Variants in UBP1 observed in about 807,000 individuals in gnomAD.
The protein encoded by UBP1 is upstream binding protein 1, also known as upstream-binding protein 1.
In UBP1, 22 loss-of-function variants were observed where a neutral mutation model predicts 76.1. That is an observed-to-expected ratio of 0.29 (90% CI 0.21 to 0.41). The LOEUF (loss-of-function observed/expected upper bound fraction) is 0.41, where lower values mean the gene tolerates loss of function less well. Among genes scored for constraint, UBP1 ranks in the 10% least tolerant of loss-of-function variants. The probability of loss-of-function intolerance (pLI) is 1.00; values close to 1 mark genes in which losing one functional copy is unlikely to be tolerated. For missense variants in UBP1, 436 were observed against 668.1 expected (o/e 0.65, Z 3.83); for synonymous variants, 224 against 237.1 (o/e 0.94, Z 0.51).
chr3:33,409,326 T>C lies in UBP1; in HGVS notation c.729A>G (p.Lys243=). The stretch of plus-strand genomic sequence containing the variant: ...CCATCTTCTCTCGGTCAGTTTTTTG[T>C]TTCCTGTCTGCACCTTTAGGCTTAA... The part of the protein sequence containing the change: ...KVFKPKGADR[K]QKTDREKMEK... Residue 243 remains lysine (K), a synonymous_variant, in exon 7 of 16, where the codon AAA becomes AAG. Transcript: ENST00000283629. 6.2e-7 allele frequency: 1 copy of C among 1,614,218 alleles called. No individual in the cohort carries two copies. The highest frequency in any genetic ancestry group is 8.5e-7 in the Non-Finnish European group (1 of 1,180,036).
At chr3:33,414,874 A>G (rs1431083857) in intron 3 of UBP1, among the ~76,000 whole-genome samples, 1 of 152,222 alleles carries the variant, frequency 6.6e-6, no homozygotes, top group Non-Finnish European at 1.5e-5. Context: ...CAGAATAAGT[A>G]ACCTTGTCTA....
chr3:33,392,361 T>C (rs905801921), intron 15 of UBP1: 2 of 479,124 alleles, frequency 4.2e-6, no homozygotes, highest in Non-Finnish European at 7.2e-6. Context: ...GATTTTTTTT[T>C]CCAGTCATCT....
intron 1 of UBP1, among the ~76,000 whole-genome samples, chr3:33,437,610 T>A (rs1236849108): frequency 6.6e-6 from 1 of 152,366 alleles, no homozygotes; most frequent in East Asian, 1.9e-4. Context: ...TCAATTTGTA[T>A]CAAGAAGTCA....
Position 33,416,810 on chromosome 3 carries a change from A to G in UBP1, c.290T>C (p.Leu97Pro). The change falls in exon 3 of 16, where the codon CTG (leucine) becomes CCG (proline). Residue 97 changes from leucine (L) to proline (P), a missense_variant. By Grantham distance (98) the Leu-to-Pro change is moderately conservative. Transcript: ENST00000283629. ...CATATCACCCATTTTCCGATTATCC[A>G]GCATCCGAATTTCATATGACTGACC... ...NQGQSYEIRM[L>P]DNRKMGDMPE... 1 of 1,613,700 alleles carries G rather than the reference A, an allele frequency of 6.2e-7. No individual in the cohort carries two copies. The highest frequency in any genetic ancestry group is 8.5e-7 in the Non-Finnish European group (1 of 1,179,726).
chr3:33,437,842 T>C (rs1251301138), intron 1 of UBP1, among the ~76,000 whole-genome samples: 1 of 152,208 alleles, frequency 6.6e-6, no homozygotes, highest in East Asian at 1.9e-4. Context: ...GAGTCAATTT[T>C]GGAATTTCCT....
intron 1 of UBP1, among the ~76,000 whole-genome samples, chr3:33,433,560 G>A (rs2045150901): frequency 6.6e-6 from 1 of 151,596 alleles, no homozygotes; most frequent in East Asian, 2.0e-4. Context: ...GGCTGAGGCA[G>A]GAGAATCACT....
chr3:33,416,458 T>A (rs2044731873), intron 3 of UBP1, among the ~76,000 whole-genome samples: 1 of 152,204 alleles, frequency 6.6e-6, no homozygotes, highest in Admixed American at 6.5e-5. Context: ...ACATTGACAT[T>A]CTTCCCCATA....
chr3:33,438,280 C>G (rs1296033358), intron 1 of UBP1, among the ~76,000 whole-genome samples: 2 of 152,204 alleles, frequency 1.3e-5, no homozygotes, highest in Non-Finnish European at 2.9e-5. Context: ...TTTTCAGCAG[C>G]AAACTTTCAT....
chr3:33,416,801 CG>C lies in UBP1; in HGVS notation c.298del (p.Arg100GlyfsTer13). The C allele has an allele frequency of 1.2e-6, 2 of 1,613,484 alleles. No individual in the cohort carries two copies. Among genetic ancestry groups the C allele is most frequent in the Non-Finnish European group, 1.7e-6 (2 of 1,179,678 alleles). ...QSYEIRMLDNRKMGDMPEING... is the reference protein window; with the variant it reads ...QSYEIRMLDNXKMGDMPEING... ...GATCTCAGGCATATCACCCATTTTC[CG>C]ATTATCCAGCATCCGAATTTCATAT... On this transcript the variant is annotated frameshift_variant, in exon 3 of 16. Transcript: ENST00000283629. LOFTEE classifies it high-confidence loss of function.
In UBP1 at chr3:33,392,633, T is replaced by C. The variant is rs767603791; in HGVS notation, c.1534-19A>G. 4 of 1,600,090 alleles carry C rather than the reference T, an allele frequency of 2.5e-6. No homozygotes were observed. Among genetic ancestry groups the C allele is most frequent in the South Asian group, 1.1e-5 (1 of 88,832 alleles). On this transcript the variant is annotated intron_variant, in intron 14 of 15. Transcript: ENST00000283629. Reference sequence around the variant, plus strand: ...GAACCATCTGGAAGGATAAAGTAAATGCGTAAGTACAATTAAGATCCAACT... The same window carrying C: ...GAACCATCTGGAAGGATAAAGTAAACGCGTAAGTACAATTAAGATCCAACT...
At chr3:33,405,118 T>A (rs1049321418) in intron 8 of UBP1, among the ~76,000 whole-genome samples, 2 of 152,150 alleles carry the variant, frequency 1.3e-5, no homozygotes, top group Non-Finnish European at 2.9e-5. Flanking sequence ...GCAATTTTTT[T>A]AGGGTGATCA....
At chr3:33,429,560 C>T (rs2045079306) in intron 1 of UBP1, among the ~76,000 whole-genome samples, 2 of 152,120 alleles carry the variant, frequency 1.3e-5, no homozygotes, top group African/African-American at 4.8e-5. Flanking sequence ...AACTCCTGGC[C>T]TCAAGTGATC....
At chr3:33,419,746 A>G (rs2044838300) in intron 2 of UBP1, among the ~76,000 whole-genome samples, 2 of 152,182 alleles carry the variant, frequency 1.3e-5, no homozygotes, top group Non-Finnish European at 2.9e-5. Context: ...TGAGAGAACA[A>G]CCAGACTTTT....
chr3:33,417,701 ATC>A (rs1490328839), intron 2 of UBP1, among the ~76,000 whole-genome samples: 1 of 152,240 alleles, frequency 6.6e-6, no homozygotes, highest in Non-Finnish European at 1.5e-5. Flanking sequence ...TTTCTGGATT[ATC>A]TGTTATTAAA....
In UBP1 at chr3:33,394,305, CA is replaced by C. The variant is rs1325419644; in HGVS notation, c.1391-852del. Among the ~76,000 whole-genome samples, 10 of 151,912 alleles carry C rather than the reference CA, an allele frequency of 6.6e-5. No individual in the cohort carries two copies. In the East Asian group the frequency reaches 1.7e-3, roughly 26 times the overall value. On this transcript the variant is annotated intron_variant, in intron 13 of 15. Coordinates refer to ENST00000283629, the MANE Select transcript of UBP1 (RefSeq NM_014517.5). The stretch of plus-strand genomic sequence containing the variant: ...ACGCAGTCTGCCCAGTTAGGCCTCC[CA>C]AAGTGCTGGGATTACAGGCGTGAGC...
At chr3:33,398,442 G>C (rs2044092605) in intron 11 of UBP1, 1 of 152,226 alleles carries the variant, frequency 6.6e-6, no homozygotes, top group Admixed American at 6.5e-5. Flanking sequence ...GTTGTGACCA[G>C]AGAGTACTGT....
rs181958563 is a variant in UBP1, at chr3:33,434,093, C to T, written c.113+5643G>A. Among the ~76,000 whole-genome samples the T allele has an allele frequency of 6.5e-4, 99 of 152,142 alleles. 1 individual carries two copies. The highest frequency in any genetic ancestry group is 2.3e-3 in the African/African-American group (95 of 41,500). ...AGTTTAGGAGACCATATCAATAAAC[C>T]ACCAAGTTTCAAACAGTCCTAATTG... On this transcript the variant is annotated intron_variant, in intron 1 of 15. Transcript: ENST00000283629.
intron 2 of UBP1, among the ~76,000 whole-genome samples, chr3:33,420,488 CTTTTT>C (rs749437546): frequency 8.3e-6 from 1 of 120,632 alleles, no homozygotes; most frequent in Non-Finnish European, 1.7e-5. Context: ...ACCATACTGG[CTTTTT>C]TTTTTTTTTT....
At chr3:33,409,769 T>C (rs561182726) in intron 5 of UBP1, among the ~76,000 whole-genome samples, 168 bp from the exon 6 acceptor site, 109 of 152,372 alleles carry the variant, frequency 7.2e-4, no homozygotes, top group South Asian at 1.4e-3. Context: ...TTTTAAGATA[T>C]GGCTTCCCTC....
Sources: gnomAD v4.1 joint callset for allele counts (sites outside exome capture counted in the v4.1 genomes callset) on GRCh38, gnomAD v4.1.1 for gene constraint, MANE v1.5 for transcripts, NCBI Gene and HGNC (gene_info 2026-07-23, HGNC 2026-07-21) for gene names.